Variants in TNPO1 observed in about 807,000 individuals in gnomAD.
The protein encoded by TNPO1 is transportin-1.
In TNPO1, 8 loss-of-function variants were observed where a neutral mutation model predicts 119.5. That is an observed-to-expected ratio of 0.07 (90% CI 0.04 to 0.12). TNPO1 has a LOEUF of 0.12. Ranked by LOEUF, TNPO1 falls within the 10% of genes least tolerant of loss-of-function variation. The pLI is 1.00. For missense variants in TNPO1, 576 were observed against 1,089.8 expected, an observed-to-expected ratio of 0.53 and a Z score of 6.64; for synonymous variants, 362 against 363.0, an observed-to-expected ratio of 1.00 and a Z score of 0.03.
chr5:72,898,059 C>T (rs1191707705), intron 20 of TNPO1, among the ~76,000 whole-genome samples: 1 of 152,032 alleles, frequency 6.6e-6, no homozygotes, highest in Non-Finnish European at 1.5e-5. Context: ...GGCTGTTTGG[C>T]TGTATGGGTA....
intron 13 of TNPO1, 42 bp from the exon 14 acceptor site, chr5:72,889,744 T>A: frequency 6.5e-7 from 1 of 1,542,586 alleles, no homozygotes; most frequent in Non-Finnish European, 8.7e-7. Context: ...GTTAGATATA[T>A]CTTACAGTCA....
chr5:72,848,817 G>C, intron 2 of TNPO1, among the ~76,000 whole-genome samples: 1 of 149,580 alleles, frequency 6.7e-6, no homozygotes, highest in East Asian at 2.0e-4. Context: ...GGGCCGCCAC[G>C]TCCCCGCCCG....
chr5:72,866,243 T>C (rs1054117496), intron 6 of TNPO1, among the ~76,000 whole-genome samples: 2 of 152,186 alleles, frequency 1.3e-5, no homozygotes, highest in African/African-American at 4.8e-5. Flanking sequence ...CCCATCTTTA[T>C]GTCGAGGTGT....
At chr5:72,849,705 T>G (rs1394172173) in intron 2 of TNPO1, among the ~76,000 whole-genome samples, 1 of 152,218 alleles carries the variant, frequency 6.6e-6, no homozygotes, top group Non-Finnish European at 1.5e-5. Context: ...TAAAGCCATT[T>G]TGTTTGGATA....
chr5:72,883,336 A>T (rs756668110), intron 11 of TNPO1, 104 bp downstream of exon 11: 14 of 651,264 alleles, frequency 2.1e-5, no homozygotes, highest in Non-Finnish European at 3.4e-5. Context: ...TATACATTTC[A>T]TTGGTTTTTA....
At chr5:72,901,100 TA>T (rs1310473178) in intron 22 of TNPO1, 27 bp downstream of exon 22, 1 of 1,456,472 alleles carries the variant, frequency 6.9e-7, no homozygotes. Context: ...GATTTGTTTT[TA>T]ATGTCTAATT....
At chr5:72,888,505 G>A (rs1005541810) in intron 13 of TNPO1, among the ~76,000 whole-genome samples, 5 of 152,150 alleles carry the variant, frequency 3.3e-5, no homozygotes, top group Admixed American at 6.5e-5. Context: ...GCATATTAGC[G>A]TATTTTATAC....
In TNPO1 at chr5:72,913,699, A is replaced by G. The variant is rs1334114725; in HGVS notation, c.*5026A>G. The G allele has an allele frequency of 6.6e-6, 1 of 152,536 alleles. No homozygotes were observed. Among genetic ancestry groups the G allele is most frequent in the Non-Finnish European group, 1.5e-5 (1 of 67,954 alleles). 9.4% of individuals were successfully genotyped at this position (152,536 alleles called of 1,614,324 possible). A position where few individuals can be genotyped will look rare whatever the true frequency, so the allele number is the denominator to read the frequency against. Reference sequence around the variant, plus strand: ...CATCTTTTTAAAAGCCTATTATAACATGGTTAGCCTATAAGGCAGTGTTGG... The same window carrying G: ...CATCTTTTTAAAAGCCTATTATAACGTGGTTAGCCTATAAGGCAGTGTTGG... On this transcript the variant is annotated 3_prime_UTR_variant, in exon 25 of 25. Transcript: ENST00000337273.
chr5:72,886,888 C>CA lies in TNPO1; in HGVS notation c.1151-159dup, dbSNP rs5868651. ...TGAGCGACAGAACAAGACTCCATCT[C>CA]AAAAAAAAAAAAAAAAAAAAAAACC... On this transcript the variant is annotated intron_variant, in intron 11 of 24. Transcript: ENST00000337273. Among the ~76,000 whole-genome samples, 525 of 70,096 alleles carry CA rather than the reference C, an allele frequency of 7.5e-3. 4 individuals carry two copies. The highest frequency in any genetic ancestry group is 0.012 in the African/African-American group (237 of 19,160). 46.0% of individuals were successfully genotyped at this position (70,096 alleles called of 152,430 possible). A position where few individuals can be genotyped will look rare whatever the true frequency, so the allele number is the denominator to read the frequency against.
Position 72,833,161 on chromosome 5 carries a change from C to T in TNPO1, c.16-15224C>T, listed in dbSNP as rs116173618. On this transcript the variant is annotated intron_variant, in intron 1 of 24. Coordinates refer to ENST00000337273, the MANE Select transcript of TNPO1 (RefSeq NM_002270.4). ...ACAATCCGAATTTGAGTTATTCCCC[C>T]TCTTGAAAATAAAAGAGCTTAATCA... 4.9e-3 allele frequency among the ~76,000 whole-genome samples: 739 copies of T among 152,140 alleles called. 7 individuals are homozygous for T. Among genetic ancestry groups the T allele is most frequent in the African/African-American group, 0.017 (717 of 41,480 alleles).
chr5:72,862,425 C>T, intron 5 of TNPO1: 1 of 155,314 alleles, frequency 6.4e-6, no homozygotes, highest in East Asian at 1.9e-4. Flanking sequence ...TGGGCTCAAA[C>T]AATCCTCCTA....
At chr5:72,851,200 C>G (rs779113058) in intron 2 of TNPO1, 44 bp from the exon 3 acceptor site, 1 of 1,169,948 alleles carries the variant, frequency 8.5e-7, no homozygotes, top group Non-Finnish European at 1.3e-6. Context: ...TAATTTCTTC[C>G]TGAGATTACA....
intron 14 of TNPO1, among the ~76,000 whole-genome samples, chr5:72,891,001 G>A (rs1473781754): frequency 2.6e-5 from 4 of 151,962 alleles, no homozygotes; most frequent in Non-Finnish European, 5.9e-5. Flanking sequence ...CCACAGGCGT[G>A]TACCACCATT....
chr5:72,891,222 T>G (rs1251608465), intron 14 of TNPO1, among the ~76,000 whole-genome samples: 3 of 151,838 alleles, frequency 2.0e-5, no homozygotes, highest in African/African-American at 7.2e-5. Context: ...ATCCCAGCAC[T>G]TTGGGAGGCT....
intron 18 of TNPO1, among the ~76,000 whole-genome samples, chr5:72,896,023 A>G (rs547536101): frequency 6.7e-6 from 1 of 150,108 alleles, no homozygotes; most frequent in Admixed American, 6.7e-5. Flanking sequence ...CTGAGAGTCC[A>G]TTTTTTTTTA....
chr5:72,892,004 C>T (rs763808821), intron 15 of TNPO1, 108 bp downstream of exon 15: 258 of 792,134 alleles, frequency 3.3e-4, no homozygotes, highest in African/African-American at 4.0e-4. Context: ...CTGAAGTAGA[C>T]GGAGGAAATT....
At chr5:72,851,980 T>G (rs867827774) in intron 3 of TNPO1, among the ~76,000 whole-genome samples, 40 of 152,328 alleles carry the variant, frequency 2.6e-4, no homozygotes, top group African/African-American at 8.9e-4. Flanking sequence ...AGAAAAAAAT[T>G]GAAAGGTCAT....
chr5:72,817,235 G>C (rs1471054073), intron 1 of TNPO1, among the ~76,000 whole-genome samples: 1 of 152,190 alleles, frequency 6.6e-6, no homozygotes, highest in Non-Finnish European at 1.5e-5. Context: ...CGCACACAGC[G>C]CCCATCGTCC....
intron 20 of TNPO1, among the ~76,000 whole-genome samples, chr5:72,899,797 G>T (rs1749685759): frequency 6.6e-6 from 1 of 152,034 alleles, no homozygotes. Context: ...CTTTTTCCAA[G>T]AGTATGCCAT....
Sources: gnomAD v4.1 joint callset for allele counts (sites outside exome capture counted in the v4.1 genomes callset) on GRCh38, gnomAD v4.1.1 for gene constraint, MANE v1.5 for transcripts, NCBI Gene and HGNC (gene_info 2026-07-23, HGNC 2026-07-21) for gene names.